The following IFI35 variants were observed in gnomAD, a reference collection of about 807,000 sequenced individuals.
IFI35 encodes interferon-induced 35 kDa protein.
Under a neutral mutation model 28.6 loss-of-function variants are expected in IFI35, and 30 were observed. The ratio of observed to expected loss-of-function variants is 1.05; its 90% CI spans 0.79 to 1.43. IFI35 has a LOEUF of 1.43. Ranked by LOEUF, IFI35 falls within the 40% of genes most tolerant of loss-of-function variation. IFI35 has a pLI of 0.00. For synonymous variants in IFI35, 146 were observed against 154.8 expected (o/e 0.94, Z 0.42); for missense variants, 372 against 356.9 (o/e 1.04, Z -0.34).
rs568109599 is a variant in IFI35, at chr17:43,008,469, A to G, written c.21+1501A>G. 4.9e-5 allele frequency among the ~76,000 whole-genome samples: 7 copies of G among 141,566 alleles called. No individual in the cohort carries two copies. In the South Asian group the frequency reaches 1.6e-3, roughly 31 times the overall value. 92.9% of individuals were successfully genotyped at this position (141,566 alleles called of 152,430 possible). A position where few individuals can be genotyped will look rare whatever the true frequency, so the allele number is the denominator to read the frequency against. ...ATTCAAGTGATTCTCTTGCCTCAGC[A>G]TCCCAAGTAGCTGGGATTATAGGCA... On this transcript the variant is annotated intron_variant, in intron 1 of 6. Coordinates refer to ENST00000415816, the MANE Select transcript of IFI35 (RefSeq NM_001330230.2).
chr17:43,013,570 T>C lies in IFI35; in HGVS notation c.470T>C (p.Ile157Thr), dbSNP rs145567403. The C allele has an allele frequency of 2.3e-4, 371 of 1,614,108 alleles. 2 individuals carry two copies. In the Admixed American group the frequency reaches 5.9e-3, roughly 26 times the overall value. ...SEEELLDKLE[I>T]FFGKTRNGGG... ...GAGGAGCTGCTGGACAAGCTAGAGA[T>C]CTTCTTTGGCAAGACTAGGAACGGA... The change falls in exon 5 of 7, where the codon ATC becomes ACC. Residue 157 changes from isoleucine to threonine, a missense_variant. Ile to Thr is a moderately conservative substitution (Grantham distance 89). Transcript: ENST00000415816.
intron 5 of IFI35, 38 bp downstream of exon 5, chr17:43,013,700 T>C (rs780552621): frequency 2.5e-6 from 4 of 1,610,630 alleles, no homozygotes; most frequent in Non-Finnish European, 2.5e-6. Flanking sequence ...GGAGAGGGTA[T>C]AGGGTGTGCA....
At chr17:43,013,906 G>C in intron 6 of IFI35, 24 bp downstream of exon 6, 1 of 1,522,500 alleles carries the variant, frequency 6.6e-7, no homozygotes, top group Non-Finnish European at 8.9e-7. Flanking sequence ...GTGAAGAACA[G>C]GGGCTGGGCT....
At chr17:43,012,320 C>A in intron 2 of IFI35, 43 bp downstream of exon 2, 1 of 1,465,946 alleles carries the variant, frequency 6.8e-7, no homozygotes, top group Non-Finnish European at 9.3e-7. Flanking sequence ...AACGAGCTGG[C>A]GAGGCCGGGT....
At chr17:43,012,130 T>C in intron 1 of IFI35, 49 bp from the exon 2 acceptor site, 1 of 1,381,184 alleles carries the variant, frequency 7.2e-7, no homozygotes, top group South Asian at 1.3e-5. Context: ...GCTTGTTGAT[T>C]CTCTGGAAGG....
chr17:43,008,270 G>A (rs1198693439), intron 1 of IFI35, among the ~76,000 whole-genome samples: 4 of 150,290 alleles, frequency 2.7e-5, no homozygotes, highest in African/African-American at 9.8e-5. Flanking sequence ...TTCTGACCTC[G>A]TGATCTGCCC....
In IFI35 at chr17:43,013,716, A is replaced by G. The variant is rs149430348; in HGVS notation, c.562+54A>G. ...GAGAGGGTATAGGGTGTGCAAGATTACGGTGCAGGGAGAGGAGAGGGCTTG... is the reference window on the plus strand; with the variant it reads ...GAGAGGGTATAGGGTGTGCAAGATTGCGGTGCAGGGAGAGGAGAGGGCTTG... On this transcript the variant is annotated intron_variant, in intron 5 of 6. Transcript: ENST00000415816. 6.6e-4 allele frequency: 1,055 copies of G among 1,609,998 alleles called. 12 individuals are homozygous for G. The African/African-American group carries it at 0.012, about 18-fold the overall frequency.
Position 43,006,823 on chromosome 17 carries a change from G to T in IFI35, c.-125G>T. 3 of 959,588 alleles carry T rather than the reference G, an allele frequency of 3.1e-6. No homozygotes were observed. Among genetic ancestry groups the T allele is most frequent in the Non-Finnish European group, 5.1e-6 (3 of 589,326 alleles). The allele number at this position is 959,588 out of a possible 1,614,324, so 59.4% of individuals were successfully genotyped here. A position where few individuals can be genotyped will look rare whatever the true frequency, so the allele number is the denominator to read the frequency against. On this transcript the variant is annotated 5_prime_UTR_variant, in exon 1 of 7. Transcript: ENST00000415816. The stretch of plus-strand genomic sequence containing the variant: ...GCAGAGCCTCCTGAGGTGTATTTCG[G>T]GTCTTGCTGGGGCTGAGAGAGACCA...
At chr17:43,011,989 G>T (rs1251543264) in intron 1 of IFI35, 190 bp from the exon 2 acceptor site, 1 of 422,116 alleles carries the variant, frequency 2.4e-6, no homozygotes, top group East Asian at 3.8e-5. Flanking sequence ...GAGCAGCTGA[G>T]ATGAGGCCAG....
Position 43,013,162 on chromosome 17 carries a change from G to T in IFI35, c.236G>T (p.Gly79Val), listed in dbSNP as rs958627925. The change falls in exon 3 of 7, where the codon GGC (glycine) becomes GTC (valine). Residue 79 changes from glycine to valine, a missense_variant. Transcript: ENST00000415816. The stretch of plus-strand genomic sequence containing the variant: ...CGGATCCACTGCCCTCTGCTTGCGG[G>T]CTCTGCTCTGATCACCTTTGATGAC... ...NLRIHCPLLA[G>V]SALITFDDPK... is the part of the protein sequence containing the mutation. The T allele has an allele frequency of 3.7e-6, 6 of 1,613,930 alleles. No individual in the cohort carries two copies. The African/African-American group carries it at 8.0e-5, about 22-fold the overall frequency.
chr17:43,012,340 C>T (rs1449856877), intron 2 of IFI35, 63 bp downstream of exon 2: 2 of 1,249,956 alleles, frequency 1.6e-6, no homozygotes, highest in African/African-American at 1.5e-5. Flanking sequence ...TGCGGTGGCT[C>T]ACACCTGTAA....
At chr17:43,008,462 C>T (rs1486193104) in intron 1 of IFI35, among the ~76,000 whole-genome samples, 14 of 148,382 alleles carry the variant, frequency 9.4e-5, no homozygotes, top group African/African-American at 3.3e-4. Context: ...GATTCTCTTG[C>T]CTCAGCATCC....
At chr17:43,007,269 G>A (rs377361583) in intron 1 of IFI35, among the ~76,000 whole-genome samples, 152 of 152,238 alleles carry the variant, frequency 1.0e-3, no homozygotes, top group African/African-American at 3.4e-3. Context: ...GTTCTAGGCC[G>A]GGCGTGGTGT....
In IFI35 at chr17:43,014,110, C is replaced by G. The variant is rs1444820347; in HGVS notation, c.672C>G (p.Ile224Met). 1 of 1,613,674 alleles carries G rather than the reference C, an allele frequency of 6.2e-7. No homozygotes were observed. Among genetic ancestry groups the G allele is most frequent in the Non-Finnish European group, 8.5e-7 (1 of 1,179,746 alleles). ...YVNGEIQKAE[I>M]RSQPVPRSVL... ...CCATCTCCTGGCTCCTTTTCCAGAT[C>G]AGGTCGCAGCCAGTTCCCCGCTCGG... Residue 224 changes from isoleucine (I) to methionine (M), a missense_variant and splice_region_variant, in exon 7 of 7, where the codon ATC (isoleucine) becomes ATG (methionine). By Grantham distance (10) the Ile-to-Met change is conservative. Transcript: ENST00000415816.
rs1397600812 is a variant in IFI35, at chr17:43,013,252, TTTCCCAC to T, written c.269-14_269-8del. The T allele has an allele frequency of 1.9e-6, 3 of 1,614,032 alleles. No individual in the cohort carries two copies. In the South Asian group the frequency reaches 3.3e-5, roughly 18 times the overall value. ...GGGAGGGTTCCCAGTACTGACCCTG[TTTCCCAC>T]CACCCAGTGGCTGAGCAGGTGCTGC... On this transcript the variant is annotated splice_polypyrimidine_tract_variant and splice_region_variant and intron_variant, in intron 3 of 6. Transcript: ENST00000415816.
Position 43,013,808 on chromosome 17 carries a change from A to G in IFI35, c.595A>G (p.Thr199Ala). 1 of 1,612,992 alleles carries G rather than the reference A, an allele frequency of 6.2e-7. No homozygotes were observed. Among genetic ancestry groups the G allele is most frequent in the Non-Finnish European group, 8.5e-7 (1 of 1,179,528 alleles). ...AQRLCQIGQF[T>A]VPLGGQQVPL... ...GCGTCTGTGCCAAATCGGCCAGTTC[A>G]CAGTGCCACTGGGTGGGCAGCAAGT... The change falls in exon 6 of 7, where the codon ACA becomes GCA. Residue 199 changes from threonine to alanine, a missense_variant. Physicochemically the swap from Thr to Ala is moderately conservative, Grantham distance 58. Coordinates refer to ENST00000415816, the MANE Select transcript of IFI35 (RefSeq NM_001330230.2).
intron 1 of IFI35, among the ~76,000 whole-genome samples, chr17:43,007,564 G>A (rs999121096): frequency 4.0e-5 from 6 of 150,854 alleles, no homozygotes; most frequent in South Asian, 4.2e-4. Context: ...GCTCACACCT[G>A]TAATCCCAGC....
intron 1 of IFI35, 34 bp from the exon 2 acceptor site, chr17:43,012,145 G>A (rs944569908): frequency 1.3e-5 from 19 of 1,466,698 alleles, no homozygotes; most frequent in Non-Finnish European, 1.7e-5. Context: ...GGAAGGGCGG[G>A]TAGAAGTCTT....
At chr17:43,008,944 A>G (rs1414740824) in intron 1 of IFI35, among the ~76,000 whole-genome samples, 1 of 151,962 alleles carries the variant, frequency 6.6e-6, no homozygotes, top group Non-Finnish European at 1.5e-5. Flanking sequence ...CTTGAGCCAC[A>G]GCACCCGGCT....
Sources: allele counts gnomAD v4.1 joint callset (sites outside exome capture counted in the v4.1 genomes callset), GRCh38; gene constraint gnomAD v4.1.1; transcripts MANE v1.5; gene names NCBI Gene and HGNC (gene_info 2026-07-23, HGNC 2026-07-21).